The following BRINP1 variants were observed in gnomAD, a reference collection of about 807,000 sequenced individuals.
BRINP1 encodes BMP/retinoic acid-inducible neural-specific protein 1.
BRINP1 carries 17 observed loss-of-function variants against 72.9 expected under a neutral mutation model. The ratio of observed to expected loss-of-function variants is 0.23; its 90% CI spans 0.16 to 0.35. The LOEUF (loss-of-function observed/expected upper bound fraction) is 0.35, where lower values mean the gene tolerates loss of function less well. BRINP1 is among the 10% of genes least tolerant of loss of function. The pLI, the probability that BRINP1 is intolerant of heterozygous loss-of-function variation, is 1.00. For missense variants in BRINP1, 850 were observed against 1,001.6 expected, an observed-to-expected ratio of 0.85 and a Z score of 2.04; for synonymous variants, 418 against 378.5, an observed-to-expected ratio of 1.10 and a Z score of -1.21.
chr9:119,234,273 CT>C (rs1830173540), intron 5 of BRINP1, among the ~76,000 whole-genome samples: 1 of 152,126 alleles, frequency 6.6e-6, no homozygotes, highest in Non-Finnish European at 1.5e-5. Flanking sequence ...CACATTGTCC[CT>C]CCTTGATATT....
rs71382946 is a variant in BRINP1 at position 119,268,285 on chromosome 9, T to TAGATAGACAGAC, written c.219-19136_219-19135insGTCTGTCTATCT. Among the ~76,000 whole-genome samples, 115 of 148,622 alleles carry TAGATAGACAGAC rather than the reference T, an allele frequency of 7.7e-4. No individual in the cohort carries two copies. In the East Asian group the frequency reaches 8.3e-3, roughly 11 times the overall value. On this transcript the variant is annotated intron_variant, in intron 2 of 7. Transcript: ENST00000265922. ...ATAGATAGATAGATAGATAGATAGA[T>TAGATAGACAGAC]AGATAGATAGATAGATAAAAGTGTT... is the stretch of plus-strand genomic sequence containing the variant.
At position 119,231,344 on chromosome 9, in the gene BRINP1, C is replaced by G. The variant is rs544282490; in HGVS notation, c.685+7311G>C. 2.6e-5 allele frequency among the ~76,000 whole-genome samples: 4 copies of G among 152,188 alleles called. No individual in the cohort carries two copies. In the South Asian group the frequency reaches 8.3e-4, roughly 32 times the overall value. ...CCAGTTATGCACAAGACCCTATTCA[C>G]TCTTGCCTGCTCCACTTTGATTGTA... is the stretch of plus-strand genomic sequence containing the variant. On this transcript the variant is annotated intron_variant, in intron 5 of 7. Transcript: ENST00000265922.
rs138900910 is a variant in BRINP1 at position 119,353,822 on chromosome 9, CTTTTTTTTTTTTTTTTTT to C, written c.-51+15216_-51+15233del. ...ATTAAACTTAATTTTGTTTTGAGCA[CTTTTTTTTTTTTTTTTTT>C]TTTTTTTTTTTTTTTACAATTTCAC... On this transcript the variant is annotated intron_variant, in intron 1 of 7. Transcript: ENST00000265922. Among the ~76,000 whole-genome samples, 10 of 30,960 alleles carry C rather than the reference CTTTTTTTTTTTTTTTTTT, an allele frequency of 3.2e-4. No individual in the cohort carries two copies. The East Asian group carries it at 5.4e-3, about 17-fold the overall frequency. The allele number at this position is 30,960 out of a possible 152,430, so 20.3% of individuals were successfully genotyped here. A position where few individuals can be genotyped will look rare whatever the true frequency, so the allele number is the denominator to read the frequency against.
rs1040955521 is a variant in BRINP1, at chr9:119,200,614, ACT to A, written c.1145+8103_1145+8104del. Reference sequence around the variant, plus strand: ...ACTTCGGCCTGGGTGACAGGGCAGGACTCTGCCTCAAGAAAAAAAAAGAAAAA... The same window carrying A: ...ACTTCGGCCTGGGTGACAGGGCAGGACTGCCTCAAGAAAAAAAAAGAAAAA... On this transcript the variant is annotated intron_variant, in intron 7 of 7. Coordinates refer to ENST00000265922, the MANE Select transcript of BRINP1 (RefSeq NM_014618.3). Among the ~76,000 whole-genome samples the A allele has an allele frequency of 6.2e-5, 9 of 145,166 alleles. 1 individual carries two copies. Among genetic ancestry groups the A allele is most frequent in the African/African-American group, 2.3e-4 (9 of 38,438 alleles).
chr9:119,282,027 G>A (rs929541567), intron 2 of BRINP1, among the ~76,000 whole-genome samples: 1 of 152,114 alleles, frequency 6.6e-6, no homozygotes, highest in Non-Finnish European at 1.5e-5. Flanking sequence ...TTCCTAAAGT[G>A]GAATTATGGA....
chr9:119,349,376 A>G (rs1831480771), intron 1 of BRINP1, among the ~76,000 whole-genome samples: 1 of 152,176 alleles, frequency 6.6e-6, no homozygotes, highest in Admixed American at 6.5e-5. Context: ...GATTTCACCA[A>G]TGGCCAGCCC....
intron 5 of BRINP1, among the ~76,000 whole-genome samples, chr9:119,235,666 C>T (rs1220567278): frequency 1.3e-5 from 2 of 152,050 alleles, no homozygotes; most frequent in East Asian, 3.9e-4. Context: ...TATCTCATTA[C>T]CAACATGAGT....
At chr9:119,363,762 C>T (rs1182661831) in intron 1 of BRINP1, among the ~76,000 whole-genome samples, 1 of 152,034 alleles carries the variant, frequency 6.6e-6, no homozygotes, top group Non-Finnish European at 1.5e-5. Flanking sequence ...CCACATATAG[C>T]TATGTAAATT....
intron 1 of BRINP1, among the ~76,000 whole-genome samples, chr9:119,348,919 A>T (rs1449345522): frequency 6.6e-6 from 1 of 152,160 alleles, no homozygotes; most frequent in Non-Finnish European, 1.5e-5. Flanking sequence ...GTGTGGTGTA[A>T]ATGTAGCATT....
chr9:119,326,605 G>A (rs995873020), intron 1 of BRINP1, among the ~76,000 whole-genome samples: 1 of 152,056 alleles, frequency 6.6e-6, no homozygotes, highest in African/African-American at 2.4e-5. Flanking sequence ...ACTGCCTTTG[G>A]AGCTTTCTCC....
intron 1 of BRINP1, among the ~76,000 whole-genome samples, chr9:119,364,279 G>A (rs1031995014): frequency 2.0e-5 from 3 of 152,046 alleles, no homozygotes; most frequent in African/African-American, 7.3e-5. Flanking sequence ...ATGATTTAGG[G>A]GCAAAGTAAG....
In BRINP1 at chr9:119,168,149, C is replaced by A; in HGVS notation, c.1221G>T (p.Leu407=). ...CNENGFWGTF[L]ESQRSCVCHG... is the part of the protein sequence containing the mutation. The stretch of plus-strand genomic sequence containing the variant: ...GGCACACGCAGCTCCGCTGGCTCTC[C>A]AGGAAGGTTCCCCAAAACCCATTCT... Residue 407 remains leucine (L), a synonymous_variant, in exon 8 of 8, where the codon CTG becomes CTT. Coordinates refer to ENST00000265922, the MANE Select transcript of BRINP1 (RefSeq NM_014618.3). 6.3e-7 allele frequency: 1 copy of A among 1,591,250 alleles called. No individual in the cohort carries two copies.
chr9:119,224,022 A>G (rs1322349493), intron 5 of BRINP1, among the ~76,000 whole-genome samples: 2 of 152,038 alleles, frequency 1.3e-5, no homozygotes, highest in African/African-American at 4.8e-5. Context: ...GTGCTAGATC[A>G]TAGTAGGTAT....
At chr9:119,243,672 A>C (rs1830282523) in intron 3 of BRINP1, among the ~76,000 whole-genome samples, 1 of 152,344 alleles carries the variant, frequency 6.6e-6, no homozygotes, top group East Asian at 1.9e-4. Context: ...TCCCACCAAC[A>C]GTGTAAAAAC....
intron 7 of BRINP1, among the ~76,000 whole-genome samples, chr9:119,174,771 G>A (rs1211568607): frequency 6.6e-6 from 1 of 151,682 alleles, no homozygotes; most frequent in Non-Finnish European, 1.5e-5. Context: ...TATACACCAT[G>A]GAATACTATG....
At chr9:119,314,632 G>A (rs761985414) in intron 1 of BRINP1, among the ~76,000 whole-genome samples, 11 of 152,018 alleles carry the variant, frequency 7.2e-5, no homozygotes, top group Non-Finnish European at 1.3e-4. Context: ...CTACTTACTC[G>A]CTTAACTGTA....
chr9:119,355,765 C>T (rs894931339), intron 1 of BRINP1, among the ~76,000 whole-genome samples: 5 of 151,878 alleles, frequency 3.3e-5, no homozygotes, highest in African/African-American at 4.8e-5. Flanking sequence ...TATCTTCATC[C>T]CACCTTCTAA....
chr9:119,192,749 T>C (rs1824618368), intron 7 of BRINP1, among the ~76,000 whole-genome samples: 1 of 152,156 alleles, frequency 6.6e-6, no homozygotes, highest in South Asian at 2.1e-4. Flanking sequence ...CTTCTGGGTA[T>C]ATTCCCAAAG....
chr9:119,367,219 T>C lies in BRINP1; in HGVS notation c.-51+1837A>G, dbSNP rs1886370. On this transcript the variant is annotated intron_variant, in intron 1 of 7. Coordinates refer to ENST00000265922, the MANE Select transcript of BRINP1 (RefSeq NM_014618.3). ...TGTGTGTGTGTGTGTGTGTGTGTGATTGATATATATATATATATATATATC... is the reference window on the plus strand; with the variant it reads ...TGTGTGTGTGTGTGTGTGTGTGTGACTGATATATATATATATATATATATC... Among the ~76,000 whole-genome samples, 38 of 56,514 alleles carry C rather than the reference T, an allele frequency of 6.7e-4. 1 individual carries two copies. Among genetic ancestry groups the C allele is most frequent in the African/African-American group, 1.8e-3 (31 of 17,566 alleles). The allele number at this position is 56,514 out of a possible 152,430, so 37.1% of individuals were successfully genotyped here. A position where few individuals can be genotyped will look rare whatever the true frequency, so the allele number is the denominator to read the frequency against.
Sources: allele counts gnomAD v4.1 joint callset (sites outside exome capture counted in the v4.1 genomes callset), GRCh38; gene constraint gnomAD v4.1.1; transcripts MANE v1.5; gene names NCBI Gene and HGNC (gene_info 2026-07-23, HGNC 2026-07-21).